SEMA3D: variants seen among roughly 807,000 people sequenced by gnomAD.
SEMA3D encodes semaphorin 3D, also known as semaphorin-3D.
A neutral mutation model predicts 100.1 loss-of-function variants in SEMA3D; 84 were observed. The observed-to-expected ratio is 0.84, with a 90% CI of 0.70 to 1.01. SEMA3D has a LOEUF of 1.01. Ranked by LOEUF, SEMA3D falls within the 50% of genes least tolerant of loss-of-function variation. SEMA3D has a pLI of 0.00. For synonymous variants in SEMA3D, 312 were observed against 320.7 expected (o/e 0.97, Z 0.29); for missense variants, 875 against 934.1 (o/e 0.94, Z 0.82).
At chr7:85,093,741 A>T (rs2116295344) in intron 4 of SEMA3D, among the ~76,000 whole-genome samples, 1 of 152,206 alleles carries the variant, frequency 6.6e-6, no homozygotes, top group South Asian at 2.1e-4. Flanking sequence ...TACTTAGTGT[A>T]TTTTATGTAT....
At chr7:85,185,671 G>T (rs2215437) in intron 1 of SEMA3D, among the ~76,000 whole-genome samples, 17,628 of 152,214 alleles carry the variant, frequency 0.12, 1,358 homozygotes, top group Middle Eastern at 0.19. Flanking sequence ...ACAGCGCGGC[G>T]TCTCCTCCTC....
chr7:85,012,435 A>C (rs1789981340), intron 17 of SEMA3D, among the ~76,000 whole-genome samples: 1 of 151,838 alleles, frequency 6.6e-6, no homozygotes, highest in African/African-American at 2.4e-5. Flanking sequence ...GGTCTATTTG[A>C]GTTTACTCTA....
chr7:85,009,521 A>G (rs1789893854), intron 17 of SEMA3D, among the ~76,000 whole-genome samples: 1 of 151,456 alleles, frequency 6.6e-6, no homozygotes, highest in African/African-American at 2.4e-5. Context: ...CCCACAATTG[A>G]TTATTTGCCT....
At position 85,097,902 on chromosome 7, in the gene SEMA3D, G is replaced by A. The variant is rs574283963; in HGVS notation, c.215C>T (p.Thr72Ile). The stretch of plus-strand genomic sequence containing the variant: ...GCCTCTTTCCTCATCTAAGAGAAGA[G>A]TTTGAAAATCCAGTCCTTCTGATGA... ...LGSSEGLDFQTLLLDEERGRL... is the reference protein window; with the variant it reads ...LGSSEGLDFQILLLDEERGRL... Residue 72 changes from threonine (T) to isoleucine (I), a missense_variant, in exon 4 of 19, where the codon ACT (threonine) becomes ATT (isoleucine). Thr to Ile is a moderately conservative substitution (Grantham distance 89, BLOSUM62 -1). Transcript: ENST00000284136. 6.2e-7 allele frequency: 1 copy of A among 1,609,282 alleles called. No individual in the cohort carries two copies. The highest frequency in any genetic ancestry group is 2.2e-5 in the East Asian group (1 of 44,774).
At chr7:85,240,838 T>G in the SEMA3D span, among the ~76,000 whole-genome samples, 1 of 152,136 alleles carries the variant, frequency 6.6e-6, no homozygotes, top group African/African-American at 2.4e-5. Flanking sequence ...TAATGCTGTC[T>G]TTCTGTCATT....
intron 8 of SEMA3D, among the ~76,000 whole-genome samples, chr7:85,058,658 G>A (rs1791390834): frequency 6.8e-6 from 1 of 147,954 alleles, no homozygotes; most frequent in East Asian, 2.1e-4. Flanking sequence ...TGAGGCAGGA[G>A]AATGGCCTGA....
At chr7:85,179,991 G>T (rs1448102639) in intron 1 of SEMA3D, among the ~76,000 whole-genome samples, 1 of 152,212 alleles carries the variant, frequency 6.6e-6, no homozygotes, top group Non-Finnish European at 1.5e-5. Context: ...ATGCTGAAAT[G>T]AGTTAAGACT....
At chr7:85,144,458 T>C (rs1723324340) in intron 2 of SEMA3D, 1 of 978,746 alleles carries the variant, frequency 1.0e-6, no homozygotes, top group Non-Finnish European at 1.2e-6. Flanking sequence ...TCCCCAGAGG[T>C]AGAAAATATA....
At chr7:85,119,417 T>A (rs969458379) in intron 3 of SEMA3D, among the ~76,000 whole-genome samples, 5 of 152,176 alleles carry the variant, frequency 3.3e-5, no homozygotes, top group African/African-American at 9.7e-5. Flanking sequence ...ATACATACCC[T>A]GGAATACTAT....
intron 3 of SEMA3D, among the ~76,000 whole-genome samples, chr7:85,099,813 TC>T (rs1562818051): frequency 1.3e-5 from 2 of 152,028 alleles, no homozygotes; most frequent in African/African-American, 4.8e-5. Context: ...TTATTTGCCA[TC>T]TGTATATCTT....
intron 3 of SEMA3D, among the ~76,000 whole-genome samples, chr7:85,116,237 T>C (rs1280328264): frequency 3.4e-5 from 5 of 148,022 alleles, no homozygotes; most frequent in Non-Finnish European, 6.0e-5. Flanking sequence ...TATATGTACA[T>C]ACCTATATAA....
intron 2 of SEMA3D, among the ~76,000 whole-genome samples, chr7:85,133,585 G>A (rs970355728): frequency 6.6e-6 from 1 of 151,910 alleles, no homozygotes; most frequent in Non-Finnish European, 1.5e-5. Context: ...TTTACCATGT[G>A]TTATAGCAAC....
intron 7 of SEMA3D, 48 bp downstream of exon 7, chr7:85,068,143 C>T (rs532348183): frequency 9.2e-7 from 1 of 1,087,266 alleles, no homozygotes; most frequent in Admixed American, 1.8e-5. Flanking sequence ...CAAAAAATAA[C>T]TCTTAGAAAA....
At chr7:85,195,136 T>C in the SEMA3D span, among the ~76,000 whole-genome samples, 1 of 152,178 alleles carries the variant, frequency 6.6e-6, no homozygotes, top group Non-Finnish European at 1.5e-5. Flanking sequence ...CCTGCTAGGA[T>C]TTATCTTGTT....
chr7:85,009,596 A>AG (rs1562781170), intron 17 of SEMA3D, among the ~76,000 whole-genome samples: 1 of 149,880 alleles, frequency 6.7e-6, no homozygotes. Flanking sequence ...AAAAAAAAAA[A>AG]CAACTTTTCT....
chr7:85,033,362 T>A (rs1310263692), intron 12 of SEMA3D, among the ~76,000 whole-genome samples: 5 of 152,136 alleles, frequency 3.3e-5, no homozygotes, highest in Non-Finnish European at 7.4e-5. Context: ...GTCTGTGTGC[T>A]TATGAGGACA....
intron 17 of SEMA3D, among the ~76,000 whole-genome samples, chr7:85,008,495 C>A (rs1434522587): frequency 6.6e-6 from 1 of 151,578 alleles, no homozygotes; most frequent in African/African-American, 2.4e-5. Flanking sequence ...AGTTTTTAAA[C>A]GTACATAGAT....
Position 85,033,413 on chromosome 7 carries a change from T to G in SEMA3D, c.1191+3476A>C, listed in dbSNP as rs573838166. Reference sequence around the variant, plus strand: ...AGTTCTCTTTAAGCCTCGCATGACATTCACAGCTCTTTTAGGCAGCAGCAG... The same window carrying G: ...AGTTCTCTTTAAGCCTCGCATGACAGTCACAGCTCTTTTAGGCAGCAGCAG... On this transcript the variant is annotated intron_variant, in intron 12 of 18. Transcript: ENST00000284136. Among the ~76,000 whole-genome samples the G allele has an allele frequency of 2.6e-4, 39 of 152,246 alleles. No homozygotes were observed. In the South Asian group the frequency reaches 7.2e-3, roughly 28 times the overall value.
At chr7:85,125,171 T>C (rs1789531335) in intron 2 of SEMA3D, among the ~76,000 whole-genome samples, 2 of 152,240 alleles carry the variant, frequency 1.3e-5, no homozygotes, top group South Asian at 2.1e-4. Context: ...AATACCTTTT[T>C]ATGACATGTA....
Sources: allele counts gnomAD v4.1 joint callset (sites outside exome capture counted in the v4.1 genomes callset), GRCh38; gene constraint gnomAD v4.1.1; transcripts MANE v1.5; gene names NCBI Gene and HGNC (gene_info 2026-07-23, HGNC 2026-07-21).